Variants in CLMN observed in about 807,000 individuals in gnomAD.
The protein encoded by CLMN is calmin (calponin-like, transmembrane).
Under a neutral mutation model 92.7 loss-of-function variants are expected in CLMN, and 57 were observed. That is an observed-to-expected ratio of 0.61 (90% CI 0.50 to 0.77). CLMN has a LOEUF of 0.77. Among genes scored for constraint, CLMN ranks in the 30% least tolerant of loss-of-function variants. The probability of loss-of-function intolerance (pLI) is 0.00; values close to 1 mark genes in which losing one functional copy is unlikely to be tolerated. For missense variants in CLMN, 1,158 were observed against 1,237.5 expected (o/e 0.94, Z 0.96); for synonymous variants, 466 against 470.6 (o/e 0.99, Z 0.13).
At chr14:95,255,900 G>A (rs1309935708) in intron 1 of CLMN, among the ~76,000 whole-genome samples, 2 of 152,056 alleles carry the variant, frequency 1.3e-5, no homozygotes, top group East Asian at 1.9e-4. Flanking sequence ...TGAGTGTGGC[G>A]ATGTTTAGGA....
rs1566900533 is a variant in CLMN, at chr14:95,259,912, C to T, written c.83-29779G>A. On this transcript the variant is annotated intron_variant, in intron 1 of 12. Transcript: ENST00000298912. The surrounding 1 kb of genome is among the most constrained non-coding windows in gnomAD (Gnocchi z 4.3). ...GAATATGCCTGCTTGCCTGGGGCTCCAGGCCTTTGCACACGCTGTTCCTGC... is the reference window on the plus strand; with the variant it reads ...GAATATGCCTGCTTGCCTGGGGCTCTAGGCCTTTGCACACGCTGTTCCTGC... Among the ~76,000 whole-genome samples the T allele has an allele frequency of 6.6e-6, 1 of 152,152 alleles. No individual in the cohort carries two copies. Among genetic ancestry groups the T allele is most frequent in the Non-Finnish European group, 1.5e-5 (1 of 68,028 alleles).
chr14:95,202,667 C>T (rs1896916797), intron 9 of CLMN, among the ~76,000 whole-genome samples, 171 bp downstream of exon 9: 1 of 152,204 alleles, frequency 6.6e-6, no homozygotes, highest in South Asian at 2.1e-4. Flanking sequence ...AGGTGCCAAC[C>T]CTGCATTTGC....
At chr14:95,281,592 T>C (rs866666183) in intron 1 of CLMN, among the ~76,000 whole-genome samples, 1 of 152,194 alleles carries the variant, frequency 6.6e-6, no homozygotes. Flanking sequence ...CAGGGATAGG[T>C]AATGTAAAAA....
chr14:95,195,591 G>A (rs1015108677), intron 10 of CLMN, among the ~76,000 whole-genome samples: 15 of 152,212 alleles, frequency 9.9e-5, no homozygotes, highest in Non-Finnish European at 1.9e-4. Flanking sequence ...AGGCAACAAG[G>A]GGGCACAAAA....
At chr14:95,315,633 T>C (rs1901732113) in intron 1 of CLMN, among the ~76,000 whole-genome samples, 1 of 152,206 alleles carries the variant, frequency 6.6e-6, no homozygotes, top group South Asian at 2.1e-4. Flanking sequence ...CAATCATTTC[T>C]CTCCCTTCTG....
At position 95,203,212 on chromosome 14, in the gene CLMN, A is replaced by G. The variant is rs745661185; in HGVS notation, c.2137T>C (p.Ser713Pro). The change falls in exon 9 of 13, where the codon TCC (serine) becomes CCC (proline). Residue 713 changes from serine to proline, a missense_variant. Transcript: ENST00000298912. ...ACGGAAACCTTTGAGAGGGGTGGGG[A>G]GGGCTTGAAATCCAGGCCTTCTTCG... ...HSEEGLDFKP[S>P]PPLSKVSVIP... The G allele has an allele frequency of 4.8e-5, 78 of 1,613,540 alleles. No homozygotes were observed. The South Asian group carries it at 7.4e-4, about 15-fold the overall frequency.
chr14:95,306,531 A>C (rs575508536), intron 1 of CLMN, among the ~76,000 whole-genome samples: 35 of 152,294 alleles, frequency 2.3e-4, no homozygotes, highest in African/African-American at 8.4e-4. Flanking sequence ...CTCCATCTCA[A>C]ACAAAAAAAA....
At chr14:95,246,484 T>C (rs927210720) in intron 1 of CLMN, among the ~76,000 whole-genome samples, 2 of 152,202 alleles carry the variant, frequency 1.3e-5, no homozygotes, top group Non-Finnish European at 2.9e-5. Flanking sequence ...AAACTATTTT[T>C]TTGAGATGGA....
chr14:95,317,173 T>C (rs1048350143), intron 1 of CLMN, among the ~76,000 whole-genome samples: 2 of 152,080 alleles, frequency 1.3e-5, no homozygotes, highest in African/African-American at 4.8e-5. Flanking sequence ...ATGCTCTAAC[T>C]AAGCTCGGCG....
At chr14:95,263,931 CCT>C (rs1248184594) in intron 1 of CLMN, among the ~76,000 whole-genome samples, 1 of 152,154 alleles carries the variant, frequency 6.6e-6, no homozygotes, top group Non-Finnish European at 1.5e-5. Flanking sequence ...GACCTCAGAC[CCT>C]CTGAGTCCGG....
chr14:95,189,357 T>C lies in CLMN; in HGVS notation c.*2207A>G, dbSNP rs1481508222. 6.6e-6 allele frequency: 1 copy of C among 152,246 alleles called. No individual in the cohort carries two copies. Among genetic ancestry groups the C allele is most frequent in the Admixed American group, 6.5e-5 (1 of 15,286 alleles). 9.4% of individuals were successfully genotyped at this position (152,246 alleles called of 1,614,324 possible). ...AAAAGCCTTATTGTATTTCTTTTAA[T>C]TTAAAAAAAATTTACAAGCAATGGG... is the stretch of plus-strand genomic sequence containing the variant. On this transcript the variant is annotated 3_prime_UTR_variant, in exon 13 of 13. Transcript: ENST00000298912.
At position 95,190,546 on chromosome 14, in the gene CLMN, TG is replaced by T. The variant is rs536124176; in HGVS notation, c.*1017del. 75 of 152,682 alleles carry T rather than the reference TG, an allele frequency of 4.9e-4. 1 individual carries two copies. The highest frequency in any genetic ancestry group is 1.8e-3 in the African/African-American group (74 of 41,566). 9.5% of individuals were successfully genotyped at this position (152,682 alleles called of 1,614,324 possible). A position where few individuals can be genotyped will look rare whatever the true frequency, so the allele number is the denominator to read the frequency against. ...GAGGGAGCCTGGGGCTGAGGAAGACTGGGGGCAGGGGTGCTAGAGATGCCTC... is the reference window on the plus strand; with the variant it reads ...GAGGGAGCCTGGGGCTGAGGAAGACTGGGGCAGGGGTGCTAGAGATGCCTC... On this transcript the variant is annotated 3_prime_UTR_variant, in exon 13 of 13. Coordinates refer to ENST00000298912, the MANE Select transcript of CLMN (RefSeq NM_024734.4).
At chr14:95,266,445 T>C (rs1039746981) in intron 1 of CLMN, among the ~76,000 whole-genome samples, 3 of 152,228 alleles carry the variant, frequency 2.0e-5, no homozygotes, top group African/African-American at 7.2e-5. Context: ...AGCAATCCCA[T>C]TTACAATAGC....
rs577367940 is a variant in CLMN at position 95,223,554 on chromosome 14, A to T, written c.240+206T>A. ...CAAAGAAAACACTGGGCATTTATTC[A>T]TTTATTTTCTAAAATACATTGGCTT... On this transcript the variant is annotated intron_variant, in intron 3 of 12. Coordinates refer to ENST00000298912, the MANE Select transcript of CLMN (RefSeq NM_024734.4). 3.9e-5 allele frequency among the ~76,000 whole-genome samples: 6 copies of T among 152,202 alleles called. No homozygotes were observed. In the South Asian group the frequency reaches 1.2e-3, roughly 32 times the overall value.
rs1300551397 is a variant in CLMN, at chr14:95,203,380, C to A, written c.1969G>T (p.Val657Leu). 6.2e-7 allele frequency: 1 copy of A among 1,614,002 alleles called. No homozygotes were observed. The highest frequency in any genetic ancestry group is 1.3e-5 in the African/African-American group (1 of 74,892). Residue 657 changes from valine (V) to leucine (L), a missense_variant, in exon 9 of 13, where the codon GTG (valine) becomes TTG (leucine). Physicochemically the swap from Val to Leu is conservative, Grantham distance 32. Coordinates refer to ENST00000298912, the MANE Select transcript of CLMN (RefSeq NM_024734.4). Reference protein sequence around the residue: ...EETPVDKKPEVHEKAKRKSTR... With the variant: ...EETPVDKKPELHEKAKRKSTR... Reference sequence around the variant, plus strand: ...GACTTTCTCTTGGCCTTTTCATGCACCTCTGGCTTTTTATCCACTGGTGTC... The same window carrying A: ...GACTTTCTCTTGGCCTTTTCATGCAACTCTGGCTTTTTATCCACTGGTGTC...
intron 1 of CLMN, among the ~76,000 whole-genome samples, chr14:95,249,341 A>C (rs1312832211): frequency 1.3e-5 from 2 of 152,200 alleles, no homozygotes; most frequent in Non-Finnish European, 2.9e-5. Context: ...AACCAGACAC[A>C]TTCAAACCTG....
At chr14:95,215,776 GAGGATAAC>G (rs1227646838) in intron 4 of CLMN, 43 bp from the exon 5 acceptor site, 2 of 1,420,290 alleles carry the variant, frequency 1.4e-6, no homozygotes, top group South Asian at 2.3e-5. Flanking sequence ...GGTGTCCAGG[GAGGATAAC>G]ATATGTTATT....
chr14:95,212,921 G>C (rs973466991), intron 6 of CLMN, among the ~76,000 whole-genome samples: 1 of 151,902 alleles, frequency 6.6e-6, no homozygotes, highest in Admixed American at 6.6e-5. Context: ...GAGTAGCTGG[G>C]ACTACAGGTG....
At chr14:95,253,616 TG>T (rs201968483) in intron 1 of CLMN, among the ~76,000 whole-genome samples, 23 of 119,140 alleles carry the variant, frequency 1.9e-4, no homozygotes, top group African/African-American at 7.4e-4. Flanking sequence ...TTTGTTTTTT[TG>T]TTTTTTTTTT....
Sources: allele counts gnomAD v4.1 joint callset (sites outside exome capture counted in the v4.1 genomes callset), GRCh38; gene constraint gnomAD v4.1.1; non-coding constraint Gnocchi (gnomAD v3.1); transcripts MANE v1.5; gene names NCBI Gene and HGNC (gene_info 2026-07-23, HGNC 2026-07-21).